The following ITGB6 variants were observed in gnomAD, a reference collection of about 807,000 sequenced individuals.
ITGB6 encodes the protein integrin subunit beta 6.
ITGB6 carries 80 observed loss-of-function variants against 84.5 expected under a neutral mutation model. That is an observed-to-expected ratio of 0.95 (90% CI 0.79 to 1.14). The LOEUF is 1.14. Ranked by LOEUF, ITGB6 falls within the 50% of genes most tolerant of loss-of-function variation. The probability of loss-of-function intolerance (pLI) is 0.00; values close to 1 mark genes in which losing one functional copy is unlikely to be tolerated. For missense variants in ITGB6, 1,006 were observed against 968.0 expected (o/e 1.04, Z -0.52); for synonymous variants, 383 against 354.9 (o/e 1.08, Z -0.89).
intron 7 of ITGB6, among the ~76,000 whole-genome samples, chr2:160,146,362 C>G (rs116815878): frequency 2.2e-4 from 33 of 152,250 alleles, no homozygotes; most frequent in Non-Finnish European, 4.4e-4. Flanking sequence ...TTTAGACTCT[C>G]TGCTTGCTTA....
At chr2:160,149,956 G>A (rs1354206835) in intron 7 of ITGB6, among the ~76,000 whole-genome samples, 2 of 152,220 alleles carry the variant, frequency 1.3e-5, no homozygotes, top group African/African-American at 4.8e-5. Flanking sequence ...AGGGAAGTAT[G>A]TGAAAAGACC....
intron 4 of ITGB6, among the ~76,000 whole-genome samples, chr2:160,188,362 G>A (rs1009481580): frequency 6.6e-6 from 1 of 152,106 alleles, no homozygotes; most frequent in Admixed American, 6.6e-5. Context: ...AAAAGAACTT[G>A]CTATTTACCA....
At chr2:160,187,478 C>T (rs1464475560) in intron 4 of ITGB6, among the ~76,000 whole-genome samples, 1 of 152,100 alleles carries the variant, frequency 6.6e-6, no homozygotes, top group Non-Finnish European at 1.5e-5. Flanking sequence ...AGAATGTCCA[C>T]AGTCATTGAA....
chr2:160,191,132 C>A (rs1467567490), intron 4 of ITGB6, among the ~76,000 whole-genome samples: 1 of 152,176 alleles, frequency 6.6e-6, no homozygotes, highest in African/African-American at 2.4e-5. Context: ...TTGTTAGCAC[C>A]AAGCTTATTT....
intron 5 of ITGB6, among the ~76,000 whole-genome samples, chr2:160,173,248 C>G (rs1685288178): frequency 6.6e-6 from 1 of 152,152 alleles, no homozygotes; most frequent in Non-Finnish European, 1.5e-5. Flanking sequence ...GAAAGTATGG[C>G]CCGAAGGTCC....
At chr2:160,145,024 A>G (rs967988211) in intron 7 of ITGB6, among the ~76,000 whole-genome samples, 2 of 152,256 alleles carry the variant, frequency 1.3e-5, no homozygotes, top group African/African-American at 4.8e-5. Flanking sequence ...GTCAAAATTT[A>G]TACTTTAAAT....
chr2:160,115,647 A>G (rs1344437086), intron 12 of ITGB6, among the ~76,000 whole-genome samples: 1 of 152,266 alleles, frequency 6.6e-6, no homozygotes, highest in Admixed American at 6.5e-5. Flanking sequence ...CAGCAGTGGA[A>G]CAAAGCTGGA....
At chr2:160,122,438 C>A (rs1683080411) in intron 12 of ITGB6, among the ~76,000 whole-genome samples, 1 of 152,174 alleles carries the variant, frequency 6.6e-6, no homozygotes, top group African/African-American at 2.4e-5. Flanking sequence ...TGAGGCTTAG[C>A]AATTTGCAGA....
chr2:160,200,107 C>A lies in ITGB6; in HGVS notation c.-44G>T, dbSNP rs746533750. The A allele has an allele frequency of 6.5e-7, 1 of 1,538,710 alleles. No homozygotes were observed. Among genetic ancestry groups the A allele is most frequent in the East Asian group, 2.3e-5 (1 of 44,378 alleles). ...TGCAGACCGATTAAAAAATGAATTA[C>A]CTTCAGCGTTACAAGACCAACGCTG... On this transcript the variant is annotated 5_prime_UTR_variant, in exon 1 of 15. Coordinates refer to ENST00000283249, the MANE Select transcript of ITGB6 (RefSeq NM_000888.5).
rs2105870182 is a variant in ITGB6 at position 160,173,987 on chromosome 2, G to A, written c.746C>T (p.Ala249Val). The A allele has an allele frequency of 1.2e-6, 2 of 1,613,532 alleles. No individual in the cohort carries two copies. Among genetic ancestry groups the A allele is most frequent in the South Asian group, 2.2e-5 (2 of 90,954 alleles). ...PEGGFDAIMQ[A>V]AVCKEKIGWR... ...CCTTCAGCATACCTTACACACAGCA[G>A]CTTGCATAATTGCATCAAATCCACC... Residue 249 changes from alanine to valine, a missense_variant, in exon 5 of 15, where the codon GCT (alanine) becomes GTT (valine). Physicochemically the swap from Ala to Val is moderately conservative, Grantham distance 64. Transcript: ENST00000283249.
intron 10 of ITGB6, among the ~76,000 whole-genome samples, chr2:160,134,835 C>T (rs776966938): frequency 3.6e-4 from 55 of 152,200 alleles, no homozygotes; most frequent in Non-Finnish European, 6.5e-4. Context: ...GCAGAAAAGG[C>T]CTTTGACAAA....
chr2:160,159,750 T>C (rs918699714), intron 7 of ITGB6, among the ~76,000 whole-genome samples: 2 of 152,208 alleles, frequency 1.3e-5, no homozygotes, highest in Admixed American at 6.5e-5. Flanking sequence ...TTATCACTTC[T>C]GGAAAGGCAC....
intron 12 of ITGB6, among the ~76,000 whole-genome samples, chr2:160,120,257 G>A (rs1682973690): frequency 6.7e-6 from 1 of 150,358 alleles, no homozygotes; most frequent in Non-Finnish European, 1.5e-5. Context: ...GCAAAGACTT[G>A]GAACCAACCC....
chr2:160,157,558 A>G (rs1227027290), intron 7 of ITGB6, among the ~76,000 whole-genome samples: 1 of 152,196 alleles, frequency 6.6e-6, no homozygotes, highest in East Asian at 1.9e-4. Flanking sequence ...AATGCTGTAT[A>G]TATACACATG....
Position 160,199,200 on chromosome 2 carries a change from C to T in ITGB6, c.120G>A (p.Gln40=). ...TCEDCLLIGP[Q]CAWCAQENFT... ...TTACCTCCTGAGCACACCAGGCACA[C>T]TGAGGTCCAATAAGCAGGCAGTCTT... Residue 40 remains glutamine (Q), a synonymous_variant, in exon 2 of 15, where the codon CAG becomes CAA. Transcript: ENST00000283249. 2 of 1,614,088 alleles carry T rather than the reference C, an allele frequency of 1.2e-6. No homozygotes were observed. Among genetic ancestry groups the T allele is most frequent in the Non-Finnish European group, 1.7e-6 (2 of 1,179,960 alleles).
At chr2:160,128,038 A>G (rs7584446) in intron 10 of ITGB6, among the ~76,000 whole-genome samples, 101,631 of 152,004 alleles carry the variant, frequency 0.67, 34,349 homozygotes, top group Admixed American at 0.74. Context: ...AAAATTCACT[A>G]CTTAACACAC....
chr2:160,126,349 A>G lies in ITGB6; in HGVS notation c.1883+30T>C, dbSNP rs936619893. On this transcript the variant is annotated intron_variant, in intron 11 of 14. Coordinates refer to ENST00000283249, the MANE Select transcript of ITGB6 (RefSeq NM_000888.5). ...GTTTGATCACTATAAACCTATCCAC[A>G]TAAGGAATGGAGAAAAGCAGAGACA... The G allele has an allele frequency of 3.1e-6, 5 of 1,595,688 alleles. No homozygotes were observed. In the African/African-American group the frequency reaches 5.4e-5, roughly 17 times the overall value.
At chr2:160,194,273 A>G (rs1439374331) in intron 4 of ITGB6, among the ~76,000 whole-genome samples, 1 of 152,176 alleles carries the variant, frequency 6.6e-6, no homozygotes, top group Non-Finnish European at 1.5e-5. Flanking sequence ...AATTTCCTTT[A>G]TGGTTAAATT....
Position 160,137,577 on chromosome 2 carries a change from G to T in ITGB6, c.1517C>A (p.Pro506Gln), listed in dbSNP as rs752829523. The part of the protein sequence containing the change: ...MLSTDSCKEA[P>Q]DHPSCSGRGD... Reference sequence around the variant, plus strand: ...CCTTCCGCTGCAGGAGGGATGATCTGGGGCCTCCTTGCAGGAATCTGTGCT... The same window carrying T: ...CCTTCCGCTGCAGGAGGGATGATCTTGGGCCTCCTTGCAGGAATCTGTGCT... Residue 506 changes from proline to glutamine, a missense_variant, in exon 10 of 15, where the codon CCA (proline) becomes CAA (glutamine). Pro to Gln is a moderately conservative substitution (Grantham distance 76, BLOSUM62 -1). Coordinates refer to ENST00000283249, the MANE Select transcript of ITGB6 (RefSeq NM_000888.5). 2.8e-5 allele frequency: 46 copies of T among 1,614,084 alleles called. No individual in the cohort carries two copies. The Admixed American group carries it at 4.7e-4, about 16-fold the overall frequency.
Sources: allele counts gnomAD v4.1 joint callset (sites outside exome capture counted in the v4.1 genomes callset), GRCh38; gene constraint gnomAD v4.1.1; transcripts MANE v1.5; gene names NCBI Gene and HGNC (gene_info 2026-07-23, HGNC 2026-07-21).